The following NXPE2 variants were observed in gnomAD, a reference collection of about 807,000 sequenced individuals.
NXPE2 encodes the protein NXPE family member 2.
Under a neutral mutation model 34.4 loss-of-function variants are expected in NXPE2, and 34 were observed. The ratio of observed to expected loss-of-function variants is 0.99; its 90% confidence interval spans 0.75 to 1.31. The LOEUF (loss-of-function observed/expected upper bound fraction) is 1.31, where lower values mean the gene tolerates loss of function less well. Ranked by LOEUF, NXPE2 falls within the 40% of genes most tolerant of loss-of-function variation. NXPE2 has a pLI of 0.00. For missense variants in NXPE2, 649 were observed against 672.5 expected, an observed-to-expected ratio of 0.97 and a Z score of 0.39; for synonymous variants, 235 against 231.3, an observed-to-expected ratio of 1.02 and a Z score of -0.15.
the NXPE2 span, among the ~76,000 whole-genome samples, chr11:114,510,587 A>T: frequency 6.6e-6 from 1 of 152,142 alleles, no homozygotes; most frequent in Non-Finnish European, 1.5e-5. Context: ...AAAACAATAG[A>T]TGTTTCCTAG....
intron 4 of NXPE2, among the ~76,000 whole-genome samples, 184 bp from the exon 5 acceptor site, chr11:114,705,597 G>A: frequency 6.6e-6 from 1 of 152,106 alleles, no homozygotes; most frequent in East Asian, 1.9e-4. Flanking sequence ...TTCAAGAAAA[G>A]CTATTTAATT....
chr11:114,745,274 G>C, the NXPE2 span, among the ~76,000 whole-genome samples: 2 of 152,114 alleles, frequency 1.3e-5, no homozygotes, highest in Admixed American at 1.3e-4. Context: ...CGTCTATTTT[G>C]GGGGAGGGTT....
At chr11:114,477,169 C>A in the NXPE2 span, among the ~76,000 whole-genome samples, 1 of 152,032 alleles carries the variant, frequency 6.6e-6, no homozygotes, top group African/African-American at 2.4e-5. Context: ...AAAAGTCAAA[C>A]TAATAGAAGC....
At chr11:114,638,612 T>C in the NXPE2 span, among the ~76,000 whole-genome samples, 5 of 152,064 alleles carry the variant, frequency 3.3e-5, no homozygotes, top group South Asian at 6.2e-4. Flanking sequence ...ACTTTTGTCT[T>C]TGATGATGGT....
the NXPE2 span, among the ~76,000 whole-genome samples, chr11:114,663,615 A>ATCTG: frequency 2.0e-5 from 2 of 98,066 alleles, no homozygotes; most frequent in South Asian, 7.4e-4. Flanking sequence ...CTATCTATCT[A>ATCTG]TCTATCTATC....
At chr11:114,534,931 C>A in the NXPE2 span, among the ~76,000 whole-genome samples, 2 of 152,098 alleles carry the variant, frequency 1.3e-5, no homozygotes, top group African/African-American at 4.8e-5. Context: ...ATACAGAGAA[C>A]GCCACTAAGA....
chr11:114,601,842 A>C, the NXPE2 span, among the ~76,000 whole-genome samples: 1 of 50,810 alleles, frequency 2.0e-5, no homozygotes, highest in Non-Finnish European at 3.2e-5. Context: ...TTATATATAT[A>C]ATATAAAATA....
the NXPE2 span, among the ~76,000 whole-genome samples, chr11:114,596,006 T>C: frequency 6.6e-6 from 1 of 152,256 alleles, no homozygotes; most frequent in African/African-American, 2.4e-5. Context: ...ATTTGATAAA[T>C]ATTATAGTTA....
At chr11:114,761,776 T>A in the NXPE2 span, among the ~76,000 whole-genome samples, 3 of 151,300 alleles carry the variant, frequency 2.0e-5, no homozygotes, top group Non-Finnish European at 4.4e-5. Flanking sequence ...GGGTTTCACC[T>A]TGTTAGCCAG....
the NXPE2 span, among the ~76,000 whole-genome samples, chr11:114,797,708 T>G: frequency 6.6e-6 from 1 of 152,244 alleles, no homozygotes; most frequent in African/African-American, 2.4e-5. Flanking sequence ...CATGAACCTT[T>G]CAAGTGAGCC....
the NXPE2 span, among the ~76,000 whole-genome samples, chr11:114,532,701 C>G: frequency 0.23 from 34,464 of 151,984 alleles, 5,497 homozygotes; most frequent in African/African-American, 0.44. Flanking sequence ...AATTCTCTGT[C>G]TCTTTCTCTC....
chr11:114,786,239 C>T, the NXPE2 span, among the ~76,000 whole-genome samples: 9 of 152,116 alleles, frequency 5.9e-5, no homozygotes, highest in African/African-American at 1.4e-4. Flanking sequence ...GATTATTGGA[C>T]GATGTCCTCA....
At chr11:114,727,205 G>A in the NXPE2 span, among the ~76,000 whole-genome samples, 1 of 152,086 alleles carries the variant, frequency 6.6e-6, no homozygotes, top group Non-Finnish European at 1.5e-5. Context: ...ATAAACAACA[G>A]AAATTTATCT....
chr11:114,523,852 T>C, the NXPE2 span, among the ~76,000 whole-genome samples: 1 of 152,248 alleles, frequency 6.6e-6, no homozygotes, highest in Non-Finnish European at 1.5e-5. Flanking sequence ...GGATTTGTTA[T>C]ATCAGGACTT....
chr11:114,805,626 C>G, the NXPE2 span, among the ~76,000 whole-genome samples: 2 of 152,202 alleles, frequency 1.3e-5, no homozygotes, highest in East Asian at 3.9e-4. Flanking sequence ...TGCAAGGTGG[C>G]AGCGAGGTTG....
chr11:114,622,151 C>T, the NXPE2 span, among the ~76,000 whole-genome samples: 2 of 151,994 alleles, frequency 1.3e-5, no homozygotes, highest in Non-Finnish European at 2.9e-5. Flanking sequence ...CATGGGTAGC[C>T]ACTGTTACCC....
the NXPE2 span, among the ~76,000 whole-genome samples, chr11:114,486,456 T>G: frequency 1.3e-5 from 2 of 152,228 alleles, no homozygotes; most frequent in Admixed American, 6.5e-5. Context: ...GGTTGTCTCT[T>G]CACTTTGTGG....
the NXPE2 span, among the ~76,000 whole-genome samples, chr11:114,622,845 T>A: frequency 4.6e-5 from 7 of 152,052 alleles, no homozygotes; most frequent in Admixed American, 3.3e-4. Flanking sequence ...TAGTAAGTAT[T>A]GCTTCATGGG....
chr11:114,528,985 C>A, the NXPE2 span: 1 of 427,882 alleles, frequency 2.3e-6, no homozygotes, highest in South Asian at 8.4e-5. Flanking sequence ...CAGAAGGGAG[C>A]CAGGGACTAT....
Sources: gnomAD v4.1 joint callset for allele counts (sites outside exome capture counted in the v4.1 genomes callset) on GRCh38, gnomAD v4.1.1 for gene constraint, MANE v1.5 for transcripts, NCBI Gene and HGNC (gene_info 2026-07-23, HGNC 2026-07-21) for gene names.